The following LINGO1 variants were observed in gnomAD, a reference collection of about 807,000 sequenced individuals.
The protein encoded by LINGO1 is leucine-rich repeat and immunoglobulin-like domain-containing nogo receptor-interacting protein 1.
Under a neutral mutation model 37.3 loss-of-function variants are expected in LINGO1, and 11 were observed. That is an observed-to-expected ratio of 0.29 (90% CI 0.19 to 0.49). LINGO1 has a LOEUF of 0.49. LINGO1 is among the 20% of genes least tolerant of loss of function. LINGO1 has a pLI of 0.99. For synonymous variants in LINGO1, 387 were observed against 403.0 expected (o/e 0.96, Z 0.48); for missense variants, 585 against 878.2 (o/e 0.67, Z 4.22).
chr15:77,743,572 G>C (rs1048313676), intron 1 of LINGO1, among the ~76,000 whole-genome samples: 28 of 152,318 alleles, frequency 1.8e-4, no homozygotes, highest in African/African-American at 6.7e-4. Flanking sequence ...TGGGCACAGA[G>C]TAGGGAATGA....
chr15:77,722,651 C>T (rs942417483), intron 2 of LINGO1, among the ~76,000 whole-genome samples: 2 of 152,206 alleles, frequency 1.3e-5, no homozygotes, highest in East Asian at 3.8e-4. Context: ...AATGGTATCA[C>T]GGTTCTGTCT....
At chr15:77,779,526 C>A (rs1699860501) in intron 1 of LINGO1, among the ~76,000 whole-genome samples, 1 of 152,074 alleles carries the variant, frequency 6.6e-6, no homozygotes, top group African/African-American at 2.4e-5. Flanking sequence ...GGGAGACAGT[C>A]ACAGATCATC....
At chr15:77,779,685 G>A (rs1015595790) in intron 1 of LINGO1, among the ~76,000 whole-genome samples, 1 of 152,166 alleles carries the variant, frequency 6.6e-6, no homozygotes, top group Non-Finnish European at 1.5e-5. Flanking sequence ...GGGAGTAGCT[G>A]TAAGGACAGA....
At chr15:77,724,028 G>C (rs964143635) in intron 2 of LINGO1, among the ~76,000 whole-genome samples, 4 of 152,210 alleles carry the variant, frequency 2.6e-5, no homozygotes, top group Non-Finnish European at 5.9e-5. Flanking sequence ...AAATAGCCGG[G>C]CGTGCGTGTC....
chr15:77,647,558 A>G (rs766280922), intron 3 of LINGO1, among the ~76,000 whole-genome samples: 4 of 152,148 alleles, frequency 2.6e-5, no homozygotes, highest in Non-Finnish European at 5.9e-5. Flanking sequence ...AGTCTGCACA[A>G]TTACAGTGCT....
chr15:77,630,579 ACCTC>A (rs1007118423), intron 1 of LINGO1, among the ~76,000 whole-genome samples: 14 of 151,862 alleles, frequency 9.2e-5, no homozygotes, highest in African/African-American at 3.4e-4. Flanking sequence ...AAGTCTCTCC[ACCTC>A]CCTCCCAGTC....
In LINGO1 at chr15:77,671,646, C is replaced by T. The variant is rs192599148; in HGVS notation, c.-13+5443G>A. Among the ~76,000 whole-genome samples, 181 of 152,332 alleles carry T rather than the reference C, an allele frequency of 1.2e-3. 1 individual carries two copies. The South Asian group carries it at 0.018, about 15-fold the overall frequency. On this transcript the variant is annotated intron_variant, in intron 3 of 3. Coordinates refer to the LINGO1 transcript ENST00000559893. ...CATGCAGCAGTGAGGTGGGGAGCAGCGGTGGGCAGGAAGGCGGTCCCCGCC... is the reference window on the plus strand; with the variant it reads ...CATGCAGCAGTGAGGTGGGGAGCAGTGGTGGGCAGGAAGGCGGTCCCCGCC...
At chr15:77,752,194 T>C (rs2076378926) in intron 1 of LINGO1, among the ~76,000 whole-genome samples, 1 of 152,214 alleles carries the variant, frequency 6.6e-6, no homozygotes, top group Admixed American at 6.5e-5. Flanking sequence ...TGGCCCTGCC[T>C]GCCCCAGCCC....
intron 1 of LINGO1, among the ~76,000 whole-genome samples, chr15:77,798,518 C>T (rs993426209): frequency 5.3e-5 from 8 of 152,258 alleles, no homozygotes; most frequent in African/African-American, 1.9e-4. Context: ...CTCCCACTCT[C>T]CTCTGTGGCA....
intron 1 of LINGO1, among the ~76,000 whole-genome samples, chr15:77,626,686 A>C (rs1158478774): frequency 1.3e-5 from 2 of 152,182 alleles, no homozygotes; most frequent in African/African-American, 4.8e-5. Context: ...AGGCCCAGAG[A>C]GGGGAGCCAA....
chr15:77,648,606 C>T (rs937710161), intron 3 of LINGO1: 1 of 152,318 alleles, frequency 6.6e-6, no homozygotes, highest in African/African-American at 2.4e-5. Context: ...CAACCTGTGG[C>T]CAAATGGGAC....
intron 2 of LINGO1, among the ~76,000 whole-genome samples, chr15:77,724,959 G>C (rs1394944807): frequency 6.6e-6 from 1 of 152,180 alleles, no homozygotes; most frequent in Admixed American, 6.5e-5. Context: ...CCCACCCCAG[G>C]AGAGCCTGAG....
Position 77,706,843 on chromosome 15 carries a change from G to A in LINGO1, c.-194-15942C>T, listed in dbSNP as rs114120042. Among the ~76,000 whole-genome samples the A allele has an allele frequency of 6.6e-3, 1,012 of 152,352 alleles. 10 individuals carry two copies. The highest frequency in any genetic ancestry group is 0.023 in the African/African-American group (974 of 41,570). On this transcript the variant is annotated intron_variant, in intron 2 of 3. Transcript: ENST00000561686. ...TCCTCAAGAAGCAGGAATCCCTGCT[G>A]AGGAGCAGACCAGAGACTCTACCCT...
intron 2 of LINGO1, among the ~76,000 whole-genome samples, chr15:77,706,859 A>C (rs2075858891): frequency 6.6e-6 from 1 of 152,034 alleles, no homozygotes; most frequent in Non-Finnish European, 1.5e-5. Flanking sequence ...CAGACCAGAG[A>C]CTCTACCCTC....
chr15:77,733,941 A>G (rs1278701992), intron 2 of LINGO1, among the ~76,000 whole-genome samples: 2 of 152,214 alleles, frequency 1.3e-5, no homozygotes, highest in Non-Finnish European at 2.9e-5. Flanking sequence ...TCTATTGAGC[A>G]CCAACTGTGT....
At chr15:77,662,662 C>T (rs779760819) in intron 3 of LINGO1, among the ~76,000 whole-genome samples, 9 of 152,190 alleles carry the variant, frequency 5.9e-5, no homozygotes, top group South Asian at 4.1e-4. Flanking sequence ...CTGCCTGCCT[C>T]TCTGTGACCT....
intron 1 of LINGO1, among the ~76,000 whole-genome samples, chr15:77,760,493 T>C (rs1328686156): frequency 6.6e-6 from 1 of 152,230 alleles, no homozygotes; most frequent in Non-Finnish European, 1.5e-5. Flanking sequence ...GGATTTCTGG[T>C]TTCTCTTGGA....
chr15:77,614,521 T>C lies in LINGO1; in HGVS notation c.1386A>G (p.Arg462=). 4 of 1,610,934 alleles carry C rather than the reference T, an allele frequency of 2.5e-6. No individual in the cohort carries two copies. The highest frequency in any genetic ancestry group is 3.4e-6 in the Non-Finnish European group (4 of 1,179,654). Reference sequence around the variant, plus strand: ...TGCTCTTGGCTGAGACCAGGTGCTTTCGGGGTGAGAGCCAGAGGATGGCGG... The same window carrying C: ...TGCTCTTGGCTGAGACCAGGTGCTTCCGGGGTGAGAGCCAGAGGATGGCGG... The part of the protein sequence containing the change: ...PPPAILWLSP[R]KHLVSAKSNG... Residue 462 remains arginine (R), a synonymous_variant, in exon 2 of 2, where the codon CGA becomes CGG. Coordinates refer to ENST00000355300, the MANE Select transcript of LINGO1 (RefSeq NM_032808.7).
chr15:77,614,818 T>G lies in LINGO1; in HGVS notation c.1089A>C (p.Thr363=), dbSNP rs1172596599. The change falls in exon 2 of 2, where the codon ACA becomes ACC. Residue 363 remains threonine, a synonymous_variant. Coordinates refer to ENST00000355300, the MANE Select transcript of LINGO1 (RefSeq NM_032808.7). ...SVFHSVGNLE[T]LILDSNPLAC... is the part of the protein sequence containing the mutation. ...CCAGCGGGTTGGAGTCCAGGATGAG[T>G]GTCTCCAGGTTGCCCACCGAGTGGA... 6.2e-7 allele frequency: 1 copy of G among 1,611,626 alleles called. No individual in the cohort carries two copies. The highest frequency in any genetic ancestry group is 1.7e-5 in the Admixed American group (1 of 59,706).
Sources: allele counts gnomAD v4.1 joint callset (sites outside exome capture counted in the v4.1 genomes callset), GRCh38; gene constraint gnomAD v4.1.1; transcripts MANE v1.5; gene names NCBI Gene and HGNC (gene_info 2026-07-23, HGNC 2026-07-21).